CARS1: variants seen among roughly 807,000 people sequenced by gnomAD.
CARS1 encodes the protein cysteinyl-tRNA synthetase 1, also known as cysteine--tRNA ligase, cytoplasmic.
In CARS1, 48 loss-of-function variants were observed where a neutral mutation model predicts 106.2. That is an observed-to-expected ratio of 0.45 (90% CI 0.36 to 0.57). The LOEUF (loss-of-function observed/expected upper bound fraction) is 0.57, where lower values mean the gene tolerates loss of function less well. CARS1 is among the 20% of genes least tolerant of loss of function. The probability of loss-of-function intolerance (pLI) is 0.00; values close to 1 mark genes in which losing one functional copy is unlikely to be tolerated. For missense variants in CARS1, 968 were observed against 1,057.2 expected (o/e 0.92, Z 1.17); for synonymous variants, 409 against 403.4 (o/e 1.01, Z -0.17).
chr11:3,045,819 T>C lies in CARS1; in HGVS notation c.274+1934A>G, dbSNP rs1222197415. ...CACTCAGTGGGGGAAGCAGCTCTGATTGTCACAGCTACATGGAGGGAGATC... is the reference window on the plus strand; with the variant it reads ...CACTCAGTGGGGGAAGCAGCTCTGACTGTCACAGCTACATGGAGGGAGATC... On this transcript the variant is annotated intron_variant, in intron 2 of 22. Transcript: ENST00000380525. This position sits in a 1 kb window ranked among gnomAD's most constrained non-coding sequence, Gnocchi z 5.6. Among the ~76,000 whole-genome samples the C allele has an allele frequency of 6.6e-6, 1 of 152,156 alleles. No individual in the cohort carries two copies. Among genetic ancestry groups the C allele is most frequent in the Non-Finnish European group, 1.5e-5 (1 of 68,018 alleles).
rs1157937995 is a variant in CARS1, at chr11:3,046,239, G to A, written c.274+1514C>T. 6.6e-6 allele frequency among the ~76,000 whole-genome samples: 1 copy of A among 151,680 alleles called. No homozygotes were observed. Among genetic ancestry groups the A allele is most frequent in the Non-Finnish European group, 1.5e-5 (1 of 67,874 alleles). ...ACAGTGTGGATGGAGGCTTGCGTCTGTGCCGCTCTTTCAACAAGTCCCTAT... is the reference window on the plus strand; with the variant it reads ...ACAGTGTGGATGGAGGCTTGCGTCTATGCCGCTCTTTCAACAAGTCCCTAT... On this transcript the variant is annotated intron_variant, in intron 2 of 22. Transcript: ENST00000380525. This position sits in a 1 kb window ranked among gnomAD's most constrained non-coding sequence, Gnocchi z 5.8.
chr11:3,010,251 G>A (rs1850321306), intron 18 of CARS1, among the ~76,000 whole-genome samples: 1 of 152,228 alleles, frequency 6.6e-6, no homozygotes, highest in Non-Finnish European at 1.5e-5. Context: ...GCTGTGGCAT[G>A]CCAGGGAAGC....
Position 3,040,503 on chromosome 11 carries a change from G to A in CARS1, c.455+393C>T. 1 of 475,440 alleles carries A rather than the reference G, an allele frequency of 2.1e-6. No homozygotes were observed. The highest frequency in any genetic ancestry group is 4.2e-6 in the Non-Finnish European group (1 of 240,180). 29.5% of individuals were successfully genotyped at this position (475,440 alleles called of 1,614,324 possible). A position where few individuals can be genotyped will look rare whatever the true frequency, so the allele number is the denominator to read the frequency against. On this transcript the variant is annotated intron_variant, in intron 4 of 22. Coordinates refer to ENST00000380525, the MANE Select transcript of CARS1 (RefSeq NM_001014437.3). This position sits in a 1 kb window ranked among gnomAD's most constrained non-coding sequence, Gnocchi z 5.8. ...AGCCATGACCATCCAGTGGTCGGGG[G>A]GCGGTCACAGCCAACCCAGCGTCAG...
At position 3,037,122 on chromosome 11, in the gene CARS1, C is replaced by G. The variant is rs1209775046; in HGVS notation, c.801+928G>C. 6.6e-6 allele frequency among the ~76,000 whole-genome samples: 1 copy of G among 152,198 alleles called. No homozygotes were observed. The highest frequency in any genetic ancestry group is 1.5e-5 in the Non-Finnish European group (1 of 68,030). ...GGAGAACAGACAAACAGCTCGGCTCCCAGGCAGGCACTGAGGCAGTGACAG... is the reference window on the plus strand; with the variant it reads ...GGAGAACAGACAAACAGCTCGGCTCGCAGGCAGGCACTGAGGCAGTGACAG... On this transcript the variant is annotated intron_variant, in intron 7 of 22. Transcript: ENST00000380525. This position sits in a 1 kb window ranked among gnomAD's most constrained non-coding sequence, Gnocchi z 5.9.
chr11:3,014,073 C>T (rs1016447436), intron 17 of CARS1, among the ~76,000 whole-genome samples: 12 of 152,132 alleles, frequency 7.9e-5, no homozygotes, highest in Admixed American at 4.6e-4. Context: ...TGGGGGTTTT[C>T]GATCTGTATC....
At chr11:3,051,570 C>A (rs1855701893) in intron 1 of CARS1, among the ~76,000 whole-genome samples, 1 of 152,246 alleles carries the variant, frequency 6.6e-6, no homozygotes, top group Non-Finnish European at 1.5e-5. Flanking sequence ...TGCAGAGCAA[C>A]TTCCAGCCAG....
In CARS1 at chr11:3,022,803, G is replaced by A. The variant is rs557879490; in HGVS notation, c.1154-2471C>T. On this transcript the variant is annotated intron_variant, in intron 10 of 22. Coordinates refer to ENST00000380525, the MANE Select transcript of CARS1 (RefSeq NM_001014437.3). This position sits in a 1 kb window ranked among gnomAD's most constrained non-coding sequence, Gnocchi z 4.9. ...GGGTCATCTTACTTGGCGGAGTGAG[G>A]AGCTGTCATCATCTAGGACCACTTG... Among the ~76,000 whole-genome samples, 3 of 152,160 alleles carry A rather than the reference G, an allele frequency of 2.0e-5. No homozygotes were observed. The highest frequency in any genetic ancestry group is 3.9e-4 in the East Asian group (2 of 5,150).
intron 1 of CARS1, chr11:3,055,183 C>A: frequency 9.1e-6 from 5 of 551,674 alleles, no homozygotes; most frequent in Non-Finnish European, 1.6e-5. Context: ...TTTTTTGAGA[C>A]GGAGTCTCGC....
At chr11:3,011,782 G>A (rs137909159) in intron 18 of CARS1, among the ~76,000 whole-genome samples, 24 of 152,314 alleles carry the variant, frequency 1.6e-4, no homozygotes, top group African/African-American at 5.5e-4. Flanking sequence ...ACACCTCAGC[G>A]CACCCAGCCT....
chr11:3,039,005 TG>T lies in CARS1; in HGVS notation c.651+188del, dbSNP rs2134248026. 6.6e-6 allele frequency among the ~76,000 whole-genome samples: 1 copy of T among 152,370 alleles called. No individual in the cohort carries two copies. Among genetic ancestry groups the T allele is most frequent in the East Asian group, 1.9e-4 (1 of 5,188 alleles). On this transcript the variant is annotated intron_variant, in intron 6 of 22. Coordinates refer to ENST00000380525, the MANE Select transcript of CARS1 (RefSeq NM_001014437.3). This position sits in a 1 kb window ranked among gnomAD's most constrained non-coding sequence, Gnocchi z 5.6. The stretch of plus-strand genomic sequence containing the variant: ...CCACTCCACTCCAGTACATCTTTGC[TG>T]GTGACTTTGTCACAGGCCAGGGGAC...
Position 3,017,414 on chromosome 11 carries a change from G to A in CARS1, c.1728-119C>T, listed in dbSNP as rs1162544756. 1.4e-5 allele frequency: 12 copies of A among 831,848 alleles called. No homozygotes were observed. Among genetic ancestry groups the A allele is most frequent in the East Asian group, 7.6e-5 (3 of 39,632 alleles). The allele number at this position is 831,848 out of a possible 1,614,324, so 51.5% of individuals were successfully genotyped here. ...TCCCAGCACTTTGGGAGGCTGAGGT[G>A]GGCGGATCACCTGAGGTCGGGAGTT... On this transcript the variant is annotated intron_variant, in intron 15 of 22. Coordinates refer to ENST00000380525, the MANE Select transcript of CARS1 (RefSeq NM_001014437.3). This position sits in a 1 kb window ranked among gnomAD's most constrained non-coding sequence, Gnocchi z 4.9.
chr11:3,013,086 C>T (rs1010561166), intron 17 of CARS1, among the ~76,000 whole-genome samples: 1 of 149,766 alleles, frequency 6.7e-6, no homozygotes, highest in Non-Finnish European at 1.5e-5. Context: ...GATGAGGTTT[C>T]ACCTTGTTGG....
rs1305695808 is a variant in CARS1, at chr11:3,026,742, T to C, written c.1087A>G (p.Lys363Glu). ...GGCACCAGCTTCCCATAGGAGTGCTTCTCGCTAGAAGCAAACTTCGCTGTA... is the reference window on the plus strand; with the variant it reads ...GGCACCAGCTTCCCATAGGAGTGCTCCTCGCTAGAAGCAAACTTCGCTGTA... The part of the protein sequence containing the change: ...FDTAKFASSE[K>E]HSYGKLVPEA... The change falls in exon 10 of 23, where the codon AAG (lysine) becomes GAG (glutamate). Residue 363 changes from lysine (K) to glutamate (E), a missense_variant. By Grantham distance (56) the Lys-to-Glu change is moderately conservative (BLOSUM62 1). Coordinates refer to ENST00000380525, the MANE Select transcript of CARS1 (RefSeq NM_001014437.3). The C allele has an allele frequency of 6.2e-7, 1 of 1,613,774 alleles. No homozygotes were observed. The highest frequency in any genetic ancestry group is 8.5e-7 in the Non-Finnish European group (1 of 1,179,930).
chr11:3,011,399 A>G (rs1850436063), intron 18 of CARS1, among the ~76,000 whole-genome samples: 1 of 151,588 alleles, frequency 6.6e-6, no homozygotes, highest in African/African-American at 2.4e-5. Flanking sequence ...AGGTCAGGAG[A>G]TCGAGACCAT....
chr11:3,019,135 C>A lies in CARS1; in HGVS notation c.1395+4G>T. ...CCTGACAAGGGGACTCTGTTTTCAC[C>A]TACCTCCGACTGTGCCAGCTCATTG... On this transcript the variant is annotated splice_donor_region_variant and intron_variant, in intron 12 of 22. Transcript: ENST00000380525. This position sits in a 1 kb window ranked among gnomAD's most constrained non-coding sequence, Gnocchi z 6.2. 2 of 1,511,230 alleles carry A rather than the reference C, an allele frequency of 1.3e-6. No homozygotes were observed. The highest frequency in any genetic ancestry group is 8.8e-7 in the Non-Finnish European group (1 of 1,134,780). 93.6% of individuals were successfully genotyped at this position (1,511,230 alleles called of 1,614,324 possible). A position where few individuals can be genotyped will look rare whatever the true frequency, so the allele number is the denominator to read the frequency against.
rs1006300029 is a variant in CARS1, at chr11:3,053,058, C to T, written c.25+4285G>A. Among the ~76,000 whole-genome samples the T allele has an allele frequency of 6.6e-6, 1 of 152,176 alleles. No homozygotes were observed. Among genetic ancestry groups the T allele is most frequent in the Non-Finnish European group, 1.5e-5 (1 of 68,040 alleles). ...CTACAAAGGTGGAGTCTCTACAGAA[C>T]ATTTATTGAAATCACATGCAAGTAC... On this transcript the variant is annotated intron_variant, in intron 1 of 22. Transcript: ENST00000380525. This position sits in a 1 kb window ranked among gnomAD's most constrained non-coding sequence, Gnocchi z 6.6.
intron 19 of CARS1, among the ~76,000 whole-genome samples, chr11:3,006,296 A>G (rs1849856856): frequency 1.3e-5 from 2 of 152,132 alleles, no homozygotes; most frequent in South Asian, 4.1e-4. Flanking sequence ...AGATACAAAA[A>G]TTAGCCGAGC....
intron 18 of CARS1, among the ~76,000 whole-genome samples, chr11:3,010,762 T>C (rs940197366): frequency 6.6e-6 from 1 of 152,262 alleles, no homozygotes; most frequent in Non-Finnish European, 1.5e-5. Context: ...CAGGCCCAGA[T>C]TCGGCTCCTC....
At position 3,039,766 on chromosome 11, in the gene CARS1, T is replaced by C; in HGVS notation, c.552+69A>G. 6.6e-6 allele frequency: 5 copies of C among 756,394 alleles called. No homozygotes were observed. Among genetic ancestry groups the C allele is most frequent in the East Asian group, 2.7e-5 (1 of 36,832 alleles). The allele number at this position is 756,394 out of a possible 1,614,324, so 46.9% of individuals were successfully genotyped here. A position where few individuals can be genotyped will look rare whatever the true frequency, so the allele number is the denominator to read the frequency against. ...AGCTCAAGCCTACATTATTTACTTA[T>C]GCGAAAGTTCTATCTTCTTTTACAC... On this transcript the variant is annotated intron_variant, in intron 5 of 22. Coordinates refer to ENST00000380525, the MANE Select transcript of CARS1 (RefSeq NM_001014437.3). The surrounding 1 kb of genome is among the most constrained non-coding windows in gnomAD (Gnocchi z 5.6).
Sources: gnomAD v4.1 joint callset for allele counts (sites outside exome capture counted in the v4.1 genomes callset) on GRCh38, gnomAD v4.1.1 for gene constraint, Gnocchi (gnomAD v3.1) non-coding constraint, MANE v1.5 for transcripts, NCBI Gene and HGNC (gene_info 2026-07-23, HGNC 2026-07-21) for gene names.